The following UGP2 variants were observed in gnomAD, a reference collection of about 807,000 sequenced individuals.
UGP2 encodes UTP--glucose-1-phosphate uridylyltransferase.
A neutral mutation model predicts 49.0 loss-of-function variants in UGP2; 40 were observed. The observed-to-expected ratio is 0.82, with a 90% CI of 0.63 to 1.06. UGP2 has a LOEUF of 1.06. UGP2 is among the 50% of genes least tolerant of loss of function. The probability of loss-of-function intolerance (pLI) is 0.00; values close to 1 mark genes in which losing one functional copy is unlikely to be tolerated. For synonymous variants in UGP2, 225 were observed against 213.0 expected (o/e 1.06, Z -0.49); for missense variants, 460 against 603.5 (o/e 0.76, Z 2.49).
intron 2 of UGP2, 71 bp from the exon 3 acceptor site, chr2:63,857,758 G>C (rs761670530): frequency 5.0e-6 from 7 of 1,410,060 alleles, no homozygotes; most frequent in Non-Finnish European, 6.9e-6. Context: ...TGTGTAACTT[G>C]TATCTGTCTT....
chr2:63,866,075 G>A (rs1670165789), intron 3 of UGP2, among the ~76,000 whole-genome samples: 1 of 152,180 alleles, frequency 6.6e-6, no homozygotes, highest in African/African-American at 2.4e-5. Context: ...TGTTGAATAG[G>A]TGTGACAACT....
In UGP2 at chr2:63,885,838, C is replaced by T; in HGVS notation, c.825C>T (p.Arg275=). Residue 275 remains arginine (R), a synonymous_variant, in exon 6 of 10, where the codon CGC becomes CGT. Transcript: ENST00000337130. Reference sequence around the variant, plus strand: ...TAATGAACCCACCCAATGGAAAACGCTGTGAATTTGTCATGGAAGTCACAA... The same window carrying T: ...TAATGAACCCACCCAATGGAAAACGTTGTGAATTTGTCATGGAAGTCACAA... ...NHLMNPPNGK[R]CEFVMEVTNK... 6.2e-7 allele frequency: 1 copy of T among 1,600,402 alleles called. No homozygotes were observed. The highest frequency in any genetic ancestry group is 1.3e-5 in the African/African-American group (1 of 74,084).
At chr2:63,884,128 AC>A in intron 5 of UGP2, 35 bp downstream of exon 5, 1 of 1,607,036 alleles carries the variant, frequency 6.2e-7, no homozygotes. Flanking sequence ...TGGGTATGTT[AC>A]TCCTGGGAAA....
chr2:63,852,569 CAAGG>C (rs1056107571), intron 1 of UGP2, among the ~76,000 whole-genome samples: 2 of 152,102 alleles, frequency 1.3e-5, no homozygotes, highest in African/African-American at 4.8e-5. Flanking sequence ...TTTCATCAAA[CAAGG>C]AAGAGAAGTG....
At chr2:63,885,548 TA>T in intron 5 of UGP2, 40 bp from the exon 6 acceptor site, 1 of 1,475,792 alleles carries the variant, frequency 6.8e-7, no homozygotes, top group Middle Eastern at 1.9e-4. Flanking sequence ...TGAAATGCTC[TA>T]CAGGGTCAAT....
rs758221416 is a variant in UGP2 at position 63,891,236 on chromosome 2, A to C, written c.*9A>C. 6.2e-7 allele frequency: 1 copy of C among 1,602,012 alleles called. No individual in the cohort carries two copies. The highest frequency in any genetic ancestry group is 8.5e-7 in the Non-Finnish European group (1 of 1,169,858). ...GCATCTTGGACCACTGAAATGAAAAATACTGTGGACACTTAAATAATGGGC... is the reference window on the plus strand; with the variant it reads ...GCATCTTGGACCACTGAAATGAAAACTACTGTGGACACTTAAATAATGGGC... On this transcript the variant is annotated 3_prime_UTR_variant, in exon 10 of 10. Coordinates refer to ENST00000337130, the MANE Select transcript of UGP2 (RefSeq NM_006759.4).
rs530620321 is a variant in UGP2 at position 63,885,670 on chromosome 2, C to T, written c.657C>T (p.Tyr219=). ...SYSGENTEAW[Y]PPGHGDIYAS... is the part of the protein sequence containing the mutation. ...CAGGGGAAAATACAGAAGCTTGGTA[C>T]CCTCCAGGTCATGGTGATATTTACG... The change falls in exon 6 of 10, where the codon TAC becomes TAT. Residue 219 remains tyrosine (Y), a synonymous_variant. Coordinates refer to ENST00000337130, the MANE Select transcript of UGP2 (RefSeq NM_006759.4). 5 of 1,613,308 alleles carry T rather than the reference C, an allele frequency of 3.1e-6. No individual in the cohort carries two copies. The highest frequency in any genetic ancestry group is 4.5e-5 in the East Asian group (2 of 44,810).
Position 63,891,342 on chromosome 2 carries a change from TTTTTAAAATAGAGTTTTCTGCAG to T in UGP2, c.*117_*139del, listed in dbSNP as rs1672141243. On this transcript the variant is annotated 3_prime_UTR_variant, in exon 10 of 10. Coordinates refer to ENST00000337130, the MANE Select transcript of UGP2 (RefSeq NM_006759.4). ...ATGTTACTGTACCCTGCAGTGTTGATTTTTAAAATAGAGTTTTCTGCAGTATGCTTTTAGTCTAAGAAAAGCAC... is the reference window on the plus strand; with the variant it reads ...ATGTTACTGTACCCTGCAGTGTTGATTATGCTTTTAGTCTAAGAAAAGCAC... 1 of 740,728 alleles carries T rather than the reference TTTTTAAAATAGAGTTTTCTGCAG, an allele frequency of 1.4e-6. No homozygotes were observed. 45.9% of individuals were successfully genotyped at this position (740,728 alleles called of 1,614,324 possible). A position where few individuals can be genotyped will look rare whatever the true frequency, so the allele number is the denominator to read the frequency against.
intron 1 of UGP2, among the ~76,000 whole-genome samples, chr2:63,847,847 C>T: frequency 6.6e-6 from 1 of 152,202 alleles, no homozygotes; most frequent in East Asian, 1.9e-4. Flanking sequence ...TGCTTTAGGC[C>T]ATCTGGGCGT....
Position 63,848,210 on chromosome 2 carries a change from G to C in UGP2, c.19+6006G>C, listed in dbSNP as rs188426701. On this transcript the variant is annotated intron_variant, in intron 1 of 9. Coordinates refer to ENST00000337130, the MANE Select transcript of UGP2 (RefSeq NM_006759.4). ...AGAAGACAGAGTTTTTCTAAAGACT[G>C]TTGCCGTTTTGACATAGCCTACAAT... Among the ~76,000 whole-genome samples, 49 of 152,268 alleles carry C rather than the reference G, an allele frequency of 3.2e-4. 2 individuals carry two copies. In the East Asian group the frequency reaches 7.9e-3, roughly 25 times the overall value.
intron 1 of UGP2, among the ~76,000 whole-genome samples, chr2:63,846,521 A>G (rs953650101): frequency 6.6e-6 from 1 of 152,202 alleles, no homozygotes; most frequent in African/African-American, 2.4e-5. Flanking sequence ...AAATTGAGGT[A>G]CATACTTACA....
At chr2:63,868,313 G>A (rs2104312518) in intron 3 of UGP2, among the ~76,000 whole-genome samples, 1 of 152,344 alleles carries the variant, frequency 6.6e-6, no homozygotes, top group South Asian at 2.1e-4. Context: ...ATTTTAGGAA[G>A]GATGGTTGAT....
chr2:63,848,788 TTA>T (rs1285439037), intron 1 of UGP2, among the ~76,000 whole-genome samples: 1 of 152,256 alleles, frequency 6.6e-6, no homozygotes, highest in African/African-American at 2.4e-5. Context: ...ATTGGGTGAC[TTA>T]TGTGTGAGAA....
intron 3 of UGP2, among the ~76,000 whole-genome samples, chr2:63,872,910 CTG>C (rs1314259374): frequency 1.1e-4 from 17 of 152,044 alleles, no homozygotes; most frequent in African/African-American, 4.1e-4. Flanking sequence ...AGTAGAGTGT[CTG>C]TGATGCTAGC....
At chr2:63,882,764 C>A in intron 4 of UGP2, 113 bp downstream of exon 4, 1 of 1,172,604 alleles carries the variant, frequency 8.5e-7, no homozygotes, top group Non-Finnish European at 1.1e-6. Context: ...AAAGAGCCTG[C>A]TATCTTTAAT....
intron 1 of UGP2, among the ~76,000 whole-genome samples, chr2:63,843,848 A>AAACTGAGGT (rs1671747185): frequency 6.6e-6 from 1 of 152,172 alleles, no homozygotes; most frequent in Admixed American, 6.5e-5. Context: ...AAGATACCAG[A>AAACTGAGGT]TTGCACTTAG....
intron 1 of UGP2, among the ~76,000 whole-genome samples, chr2:63,843,224 A>G (rs1671697507): frequency 6.6e-6 from 1 of 152,170 alleles, no homozygotes. Flanking sequence ...GTAGTAGATT[A>G]AAGTAAGAGA....
intron 3 of UGP2, among the ~76,000 whole-genome samples, chr2:63,858,273 A>G (rs1669589678): frequency 6.6e-6 from 1 of 152,148 alleles, no homozygotes; most frequent in Non-Finnish European, 1.5e-5. Context: ...AAAACATTTG[A>G]TTTCTCATTG....
chr2:63,878,580 T>C (rs892014121), intron 3 of UGP2, among the ~76,000 whole-genome samples: 18 of 152,214 alleles, frequency 1.2e-4, no homozygotes, highest in Non-Finnish European at 2.4e-4. Flanking sequence ...ACTTTGTACC[T>C]AGGACTCAGA....
Sources: allele counts gnomAD v4.1 joint callset (sites outside exome capture counted in the v4.1 genomes callset), GRCh38; gene constraint gnomAD v4.1.1; transcripts MANE v1.5; gene names NCBI Gene and HGNC (gene_info 2026-07-23, HGNC 2026-07-21).